AKAP6: variants seen among roughly 807,000 people sequenced by gnomAD.
AKAP6 encodes A-kinase anchor protein 6.
In AKAP6, 58 loss-of-function variants were observed where a neutral mutation model predicts 188.5. That is an observed-to-expected ratio of 0.31 (90% CI 0.25 to 0.38). AKAP6 has a LOEUF of 0.38. Among genes scored for constraint, AKAP6 ranks in the 10% least tolerant of loss-of-function variants. The pLI, the probability that AKAP6 is intolerant of heterozygous loss-of-function variation, is 1.00. For synonymous variants in AKAP6, 989 were observed against 998.6 expected (o/e 0.99, Z 0.18); for missense variants, 2,710 against 2,740.0 (o/e 0.99, Z 0.24).
intron 2 of AKAP6, among the ~76,000 whole-genome samples, chr14:32,532,376 A>G (rs991317670): frequency 2.0e-5 from 3 of 152,138 alleles, no homozygotes; most frequent in African/African-American, 7.2e-5. Context: ...TACCTTGCCC[A>G]GTTATGTAGG....
intron 1 of AKAP6, among the ~76,000 whole-genome samples, chr14:32,391,580 G>A (rs1254759880): frequency 6.6e-6 from 1 of 152,192 alleles, no homozygotes; most frequent in Non-Finnish European, 1.5e-5. Context: ...CCTGGACTCT[G>A]GTTGGGCGGT....
At chr14:32,431,172 T>A (rs1032049667) in intron 1 of AKAP6, among the ~76,000 whole-genome samples, 4 of 152,152 alleles carry the variant, frequency 2.6e-5, no homozygotes, top group African/African-American at 9.7e-5. Flanking sequence ...AGAAGTGGTA[T>A]GGTAGCTCAC....
At chr14:32,556,171 T>C (rs1883678129) in intron 4 of AKAP6, among the ~76,000 whole-genome samples, 1 of 152,144 alleles carries the variant, frequency 6.6e-6, no homozygotes, top group Non-Finnish European at 1.5e-5. Flanking sequence ...AGGTGATAGA[T>C]CATTGTGGTT....
chr14:32,432,263 G>C (rs1162087124), intron 1 of AKAP6, among the ~76,000 whole-genome samples: 1 of 152,012 alleles, frequency 6.6e-6, no homozygotes, highest in East Asian at 1.9e-4. Flanking sequence ...CTGCTCTTGA[G>C]ACTAAAAATA....
chr14:32,710,999 G>A (rs1206077660), intron 9 of AKAP6, among the ~76,000 whole-genome samples: 1 of 152,066 alleles, frequency 6.6e-6, no homozygotes, highest in African/African-American at 2.4e-5. Context: ...TGGCCAGCAT[G>A]CCTAAACTAT....
At chr14:32,803,302 A>G (rs1351092773) in intron 12 of AKAP6, among the ~76,000 whole-genome samples, 2 of 151,100 alleles carry the variant, frequency 1.3e-5, no homozygotes, top group Non-Finnish European at 2.9e-5. Flanking sequence ...CAAAACAAAT[A>G]TTTTTGATGC....
At chr14:32,394,033 G>T (rs1488274906) in intron 1 of AKAP6, among the ~76,000 whole-genome samples, 1 of 152,092 alleles carries the variant, frequency 6.6e-6, no homozygotes, top group African/African-American at 2.4e-5. Context: ...ATCATCAAAT[G>T]CTCTCACCTA....
intron 1 of AKAP6, among the ~76,000 whole-genome samples, chr14:32,412,338 C>A (rs1047215799): frequency 6.6e-6 from 1 of 152,108 alleles, no homozygotes; most frequent in Non-Finnish European, 1.5e-5. Context: ...GAGTGAGACA[C>A]CATGTAGGAT....
intron 1 of AKAP6, among the ~76,000 whole-genome samples, chr14:32,404,312 T>TA (rs1441554453): frequency 1.3e-5 from 2 of 152,104 alleles, no homozygotes; most frequent in Non-Finnish European, 2.9e-5. Context: ...TGGTTAATCC[T>TA]AGAATTCTTA....
At chr14:32,783,231 A>G (rs1030387248) in intron 12 of AKAP6, among the ~76,000 whole-genome samples, 1 of 152,168 alleles carries the variant, frequency 6.6e-6, no homozygotes, top group Non-Finnish European at 1.5e-5. Context: ...TGATCCGTAT[A>G]ATGTGCCATA....
intron 9 of AKAP6, among the ~76,000 whole-genome samples, chr14:32,730,849 A>G (rs10146185): frequency 0.25 from 38,611 of 152,046 alleles, 5,098 homozygotes; most frequent in African/African-American, 0.33. Context: ...ATAAAACACT[A>G]TCTAGGTTTC....
chr14:32,385,644 G>A (rs2138566836), intron 1 of AKAP6, among the ~76,000 whole-genome samples: 1 of 151,314 alleles, frequency 6.6e-6, no homozygotes, highest in South Asian at 2.1e-4. Context: ...TCACTTATGA[G>A]TGAGAACATA....
At chr14:32,787,578 T>G (rs1024024302) in intron 12 of AKAP6, among the ~76,000 whole-genome samples, 5 of 152,210 alleles carry the variant, frequency 3.3e-5, no homozygotes, top group Admixed American at 1.3e-4. Context: ...TTTTGACTTG[T>G]GGCAATTATT....
intron 11 of AKAP6, among the ~76,000 whole-genome samples, chr14:32,751,976 A>G (rs769849894): frequency 2.6e-5 from 4 of 152,168 alleles, no homozygotes; most frequent in East Asian, 1.9e-4. Flanking sequence ...TGAGTCTTCA[A>G]ATTGGGCCCT....
At position 32,767,318 on chromosome 14, in the gene AKAP6, C is replaced by T. The variant is rs147804461; in HGVS notation, c.3373-6360C>T. Among the ~76,000 whole-genome samples, 340 of 152,176 alleles carry T rather than the reference C, an allele frequency of 2.2e-3. 1 individual carries two copies. The highest frequency in any genetic ancestry group is 7.1e-3 in the African/African-American group (295 of 41,548). On this transcript the variant is annotated intron_variant, in intron 11 of 13. Transcript: ENST00000280979. Reference sequence around the variant, plus strand: ...AGAGAAGCTTTATTGAAAACCCAAACGAAAATAACTCCCAAGCCACTTTCT... The same window carrying T: ...AGAGAAGCTTTATTGAAAACCCAAATGAAAATAACTCCCAAGCCACTTTCT...
chr14:32,542,730 C>T (rs1347765269), intron 3 of AKAP6, among the ~76,000 whole-genome samples: 1 of 152,072 alleles, frequency 6.6e-6, no homozygotes, highest in East Asian at 1.9e-4. Context: ...CGCGTGTGGC[C>T]AGTGAGGGGA....
intron 1 of AKAP6, among the ~76,000 whole-genome samples, chr14:32,348,417 CTTTTTTTTT>C (rs71115063): frequency 7.9e-6 from 1 of 126,168 alleles, no homozygotes; most frequent in Non-Finnish European, 1.6e-5. Flanking sequence ...TCTTTTGTTT[CTTTTTTTTT>C]TTTTTTTTTA....
intron 1 of AKAP6, among the ~76,000 whole-genome samples, chr14:32,357,581 A>G (rs1022849386): frequency 7.2e-5 from 11 of 152,246 alleles, no homozygotes; most frequent in Non-Finnish European, 1.6e-4. Flanking sequence ...TTAAAAATTT[A>G]GAGACAGAAT....
At chr14:32,439,451 C>G (rs1341054368) in intron 2 of AKAP6, among the ~76,000 whole-genome samples, 1 of 152,146 alleles carries the variant, frequency 6.6e-6, no homozygotes, top group Non-Finnish European at 1.5e-5. Context: ...CCTGGGCTGG[C>G]ACCAGGGCAG....
Sources: gnomAD v4.1 joint callset for allele counts (sites outside exome capture counted in the v4.1 genomes callset) on GRCh38, gnomAD v4.1.1 for gene constraint, MANE v1.5 for transcripts, NCBI Gene and HGNC (gene_info 2026-07-23, HGNC 2026-07-21) for gene names.